Variants in OTOGL observed in about 807,000 individuals in gnomAD.
OTOGL encodes the protein otogelin-like protein.
OTOGL carries 285 observed loss-of-function variants against 318.5 expected under a neutral mutation model. The observed-to-expected ratio is 0.89, with a 90% CI of 0.81 to 0.99. OTOGL has a LOEUF of 0.99. OTOGL is among the 50% of genes least tolerant of loss of function. The pLI is 0.00. For missense variants in OTOGL, 2,899 were observed against 2,845.6 expected, an observed-to-expected ratio of 1.02 and a Z score of -0.43; for synonymous variants, 987 against 936.5, an observed-to-expected ratio of 1.05 and a Z score of -0.99.
intron 1 of OTOGL, among the ~76,000 whole-genome samples, chr12:80,102,045 C>CTAT (rs1361551383): frequency 6.6e-6 from 1 of 152,180 alleles, no homozygotes; most frequent in African/African-American, 2.4e-5. Flanking sequence ...ATCCAGGCTT[C>CTAT]TATTAATTCC....
intron 1 of OTOGL, among the ~76,000 whole-genome samples, chr12:80,155,701 C>T (rs1873070258): frequency 6.6e-6 from 1 of 152,212 alleles, no homozygotes; most frequent in Admixed American, 6.5e-5. Flanking sequence ...CTATCACATA[C>T]TAGGTGTTAT....
intron 1 of OTOGL, among the ~76,000 whole-genome samples, chr12:80,108,584 A>G (rs60390998): frequency 0.031 from 4,643 of 151,112 alleles, 239 homozygotes; most frequent in African/African-American, 0.11. Context: ...AGTATCCTGT[A>G]TCTTAAATTT....
chr12:80,284,290 TG>T (rs1884452363), intron 26 of OTOGL, among the ~76,000 whole-genome samples: 1 of 152,184 alleles, frequency 6.6e-6, no homozygotes, highest in African/African-American at 2.4e-5. Context: ...GATGGGCATT[TG>T]GGTTGGCTCC....
chr12:80,140,880 T>A (rs1871889266), intron 1 of OTOGL, among the ~76,000 whole-genome samples: 1 of 152,146 alleles, frequency 6.6e-6, no homozygotes, highest in Non-Finnish European at 1.5e-5. Context: ...TAATTTTTAG[T>A]AATTAAGTGA....
intron 47 of OTOGL, 47 bp from the exon 48 acceptor site, chr12:80,356,355 CTTTGAGTTGGCAGA>C: frequency 7.7e-7 from 1 of 1,305,800 alleles, no homozygotes; most frequent in Non-Finnish European, 1.1e-6. Flanking sequence ...CATTTCCCTG[CTTTGAGTTGGCAGA>C]TTTTAGTTGT....
chr12:80,363,652 C>T (rs1890365889), intron 52 of OTOGL, among the ~76,000 whole-genome samples: 1 of 152,084 alleles, frequency 6.6e-6, no homozygotes, highest in South Asian at 2.1e-4. Context: ...TTACAATGGC[C>T]AGTGGAGCAG....
intron 8 of OTOGL, among the ~76,000 whole-genome samples, chr12:80,229,854 C>T (rs923373827): frequency 3.3e-5 from 5 of 152,072 alleles, no homozygotes; most frequent in Admixed American, 6.6e-5. Context: ...AGATTTTCCA[C>T]GGAAGTTCTG....
chr12:80,134,117 T>A (rs1488877469), intron 1 of OTOGL, among the ~76,000 whole-genome samples: 1 of 152,216 alleles, frequency 6.6e-6, no homozygotes, highest in Non-Finnish European at 1.5e-5. Context: ...ATCCTATTAT[T>A]CATTTAGACT....
intron 1 of OTOGL, among the ~76,000 whole-genome samples, chr12:80,141,442 G>A (rs1206404873): frequency 6.6e-6 from 1 of 152,100 alleles, no homozygotes; most frequent in Non-Finnish European, 1.5e-5. Flanking sequence ...TTTATTTCTT[G>A]GTGCCTGGTG....
At chr12:80,283,946 G>A (rs1247236235) in intron 26 of OTOGL, among the ~76,000 whole-genome samples, 1 of 151,980 alleles carries the variant, frequency 6.6e-6, no homozygotes, top group Admixed American at 6.6e-5. Flanking sequence ...TGCCATGGTG[G>A]TTTGCTACAC....
At chr12:80,200,344 G>A (rs1271292714) in intron 1 of OTOGL, among the ~76,000 whole-genome samples, 1 of 152,222 alleles carries the variant, frequency 6.6e-6, no homozygotes, top group Non-Finnish European at 1.5e-5. Flanking sequence ...GAGAAACAAG[G>A]AAAGGTAAGG....
chr12:80,216,819 G>T (rs1430553796), intron 4 of OTOGL, among the ~76,000 whole-genome samples: 1 of 152,054 alleles, frequency 6.6e-6, no homozygotes, highest in Non-Finnish European at 1.5e-5. Context: ...ACTACCTTGG[G>T]CTCTATAAAA....
intron 10 of OTOGL, 47 bp downstream of exon 10, chr12:80,239,025 A>G (rs372616491): frequency 4.6e-6 from 7 of 1,529,890 alleles, no homozygotes; most frequent in African/African-American, 4.2e-5. Flanking sequence ...GAATACACAT[A>G]TATCTTATTT....
Position 80,270,076 on chromosome 12 carries a change from T to C in OTOGL, c.2466-26T>C, listed in dbSNP as rs767378288. 2.0e-6 allele frequency: 3 copies of C among 1,525,154 alleles called. No individual in the cohort carries two copies. In the Admixed American group the frequency reaches 5.5e-5, roughly 28 times the overall value. The allele number at this position is 1,525,154 out of a possible 1,614,324, so 94.5% of individuals were successfully genotyped here. A position where few individuals can be genotyped will look rare whatever the true frequency, so the allele number is the denominator to read the frequency against. On this transcript the variant is annotated intron_variant, in intron 22 of 58. Coordinates refer to ENST00000547103, the MANE Select transcript of OTOGL (RefSeq NM_001378609.3). ...AAAAAAAACAACAGATTTGGTTCCA[T>C]AAATTAACTATTTATTTACTTCTAG...
At chr12:80,194,552 C>G (rs919765890) in intron 1 of OTOGL, among the ~76,000 whole-genome samples, 3 of 152,132 alleles carry the variant, frequency 2.0e-5, no homozygotes, top group African/African-American at 7.2e-5. Flanking sequence ...ATATTATGCT[C>G]TAATTCTTTT....
At chr12:80,356,580 T>G in intron 48 of OTOGL, 60 bp downstream of exon 48, 2 of 1,269,094 alleles carry the variant, frequency 1.6e-6, no homozygotes, top group Non-Finnish European at 2.2e-6. Flanking sequence ...AACAGTGAAT[T>G]AGATTCTCAT....
intron 32 of OTOGL, among the ~76,000 whole-genome samples, chr12:80,315,104 TG>T (rs1015430005): frequency 2.6e-5 from 4 of 152,152 alleles, no homozygotes; most frequent in African/African-American, 7.2e-5. Context: ...GGGCAGATGT[TG>T]GTCAAAGGGC....
chr12:80,123,576 T>C (rs1870620346), intron 1 of OTOGL, among the ~76,000 whole-genome samples: 1 of 152,316 alleles, frequency 6.6e-6, no homozygotes, highest in East Asian at 1.9e-4. Context: ...CTGGGTCAAA[T>C]GGTATTTCTA....
At chr12:80,238,802 A>G (rs1880091217) in intron 9 of OTOGL, 49 bp from the exon 10 acceptor site, 8 of 1,379,514 alleles carry the variant, frequency 5.8e-6, no homozygotes, top group Admixed American at 6.0e-5. Context: ...GGAAAATGAT[A>G]TGATTACACC....
Sources: allele counts gnomAD v4.1 joint callset (sites outside exome capture counted in the v4.1 genomes callset), GRCh38; gene constraint gnomAD v4.1.1; transcripts MANE v1.5; gene names NCBI Gene and HGNC (gene_info 2026-07-23, HGNC 2026-07-21).